The following C4orf51 variants were observed in gnomAD, a reference collection of about 807,000 sequenced individuals.
The protein encoded by C4orf51 is uncharacterized protein C4orf51.
In C4orf51, 25 loss-of-function variants were observed where a neutral mutation model predicts 25.2. That is an observed-to-expected ratio of 0.99 (90% confidence interval 0.72 to 1.39). The LOEUF (loss-of-function observed/expected upper bound fraction) is 1.39. Ranked by LOEUF, C4orf51 falls within the 40% of genes most tolerant of loss-of-function variation. The probability of loss-of-function intolerance (pLI) is 0.00; values close to 1 mark genes in which losing one functional copy is unlikely to be tolerated. For synonymous variants in C4orf51, 100 were observed against 84.5 expected, an observed-to-expected ratio of 1.18 and a Z score of -1.01; for missense variants, 252 against 239.6, an observed-to-expected ratio of 1.05 and a Z score of -0.34.
chr4:145,696,461 TA>T (rs1560827123), intron 1 of C4orf51, 97 bp from the exon 2 acceptor site: 4 of 1,031,794 alleles, frequency 3.9e-6, no homozygotes, highest in South Asian at 1.4e-5. Context: ...ATGAAAGTTT[TA>T]AAAAAAGATG....
chr4:145,768,791 G>A (rs1299045651), intron 1 of C4orf51, among the ~76,000 whole-genome samples: 4 of 137,436 alleles, frequency 2.9e-5, no homozygotes, highest in Non-Finnish European at 4.6e-5. Flanking sequence ...CCATGGAGGC[G>A]GAGTTTGTGG....
At position 145,729,998 on chromosome 4, in the gene C4orf51, G is replaced by C. The variant is rs202206619; in HGVS notation, c.501+33G>C. 38 of 1,585,066 alleles carry C rather than the reference G, an allele frequency of 2.4e-5. No individual in the cohort carries two copies. In the African/African-American group the frequency reaches 3.8e-4, roughly 16 times the overall value. On this transcript the variant is annotated intron_variant, in intron 5 of 5. Transcript: ENST00000438731. ...TCTTTTTACTTGCCATGCAACAGTG[G>C]ATCTGTGGGGTAGTCAGGAAGCGGG...
At chr4:145,682,089 A>G (rs755462615) in intron 1 of C4orf51, among the ~76,000 whole-genome samples, 1 of 152,188 alleles carries the variant, frequency 6.6e-6, no homozygotes, top group East Asian at 1.9e-4. Context: ...GTGAAAATGT[A>G]TAGGACCTGG....
downstream of C4orf51, among the ~76,000 whole-genome samples, chr4:145,773,462 C>T (rs140292184): frequency 6.1e-4 from 93 of 152,306 alleles, no homozygotes; most frequent in African/African-American, 2.0e-3. Context: ...TTCCCCTTCC[C>T]GAATCCTTCA....
Position 145,680,406 on chromosome 4 carries a change from G to T in C4orf51, c.203G>T (p.Arg68Ile). 1 of 1,613,864 alleles carries T rather than the reference G, an allele frequency of 6.2e-7. No individual in the cohort carries two copies. Among genetic ancestry groups the T allele is most frequent in the Non-Finnish European group, 8.5e-7 (1 of 1,179,818 alleles). Reference protein sequence around the residue: ...DKSMCSQFSFRAGQHEPECKQ... With the variant: ...DKSMCSQFSFIAGQHEPECKQ... ...TCCATGTGCAGCCAATTTTCTTTTA[G>T]AGCAGGACAGCATGAGCCTGAGTGT... Residue 68 changes from arginine to isoleucine, a missense_variant, in exon 1 of 6, where the codon AGA (arginine) becomes ATA (isoleucine). Coordinates refer to ENST00000438731, the MANE Select transcript of C4orf51 (RefSeq NM_001080531.3).
chr4:145,780,776 T>C, the C4orf51 span, among the ~76,000 whole-genome samples: 1 of 152,208 alleles, frequency 6.6e-6, no homozygotes, highest in Non-Finnish European at 1.5e-5. Flanking sequence ...ACACACTAAG[T>C]TAATATCTTG....
intron 1 of C4orf51, among the ~76,000 whole-genome samples, chr4:145,745,081 T>C (rs1733298115): frequency 6.6e-6 from 1 of 152,222 alleles, no homozygotes; most frequent in South Asian, 2.1e-4. Context: ...CTTTAAACAA[T>C]TATTTTAATG....
chr4:145,781,260 G>A, the C4orf51 span, among the ~76,000 whole-genome samples: 1 of 148,594 alleles, frequency 6.7e-6, no homozygotes, highest in African/African-American at 2.5e-5. Context: ...TCACAACATG[G>A]GTCAGAGATA....
rs145894576 is a variant in C4orf51 at position 145,752,239 on chromosome 4, C to A, written n.168-1968C>A. Among the ~76,000 whole-genome samples the A allele has an allele frequency of 4.2e-3, 636 of 152,260 alleles. 4 individuals are homozygous for A. The highest frequency in any genetic ancestry group is 0.014 in the African/African-American group (585 of 41,544). On this transcript the variant is annotated intron_variant and non_coding_transcript_variant, in intron 1 of 1. Transcript: ENST00000508981. ...AGAAGGAATCTCTCACAGTAGGCAC[C>A]ACAGCTCAGAATGTTCTGGGTCTTA...
At chr4:145,706,702 G>A (rs916598383) in intron 2 of C4orf51, among the ~76,000 whole-genome samples, 2 of 151,802 alleles carry the variant, frequency 1.3e-5, no homozygotes, top group South Asian at 2.1e-4. Flanking sequence ...GTGCAGTGGC[G>A]CAATCTTGGC....
downstream of C4orf51, among the ~76,000 whole-genome samples, chr4:145,757,337 A>G (rs569592828): frequency 6.6e-6 from 1 of 152,282 alleles, no homozygotes; most frequent in East Asian, 1.9e-4. Context: ...GGGCTGGCAA[A>G]CACTTTTAAA....
In C4orf51 at chr4:145,696,616, G is replaced by T; in HGVS notation, c.291G>T (p.Glu97Asp). 1 of 1,613,470 alleles carries T rather than the reference G, an allele frequency of 6.2e-7. No homozygotes were observed. Among genetic ancestry groups the T allele is most frequent in the South Asian group, 1.1e-5 (1 of 91,030 alleles). Residue 97 changes from glutamate (E) to aspartate (D), a missense_variant, in exon 2 of 6, where the codon GAG (glutamate) becomes GAT (aspartate). Coordinates refer to ENST00000438731, the MANE Select transcript of C4orf51 (RefSeq NM_001080531.3). The part of the protein sequence containing the change: ...CHLLCWAGTQ[E>D]TTDIKGLFPD... ...TTCTCTGCTGGGCTGGTACCCAAGA[G>T]ACTACAGATATCAAAGGTAAGTGCA... is the stretch of plus-strand genomic sequence containing the variant.
rs367840278 is a variant in C4orf51 at position 145,690,324 on chromosome 4, T to C, written c.234-6235T>C. ...ATCAAGACCATCCTGGCTAACATGGTGAAACCTCGTCTCTACTAAAAATAC... is the reference window on the plus strand; with the variant it reads ...ATCAAGACCATCCTGGCTAACATGGCGAAACCTCGTCTCTACTAAAAATAC... On this transcript the variant is annotated intron_variant, in intron 1 of 5. Transcript: ENST00000438731. Among the ~76,000 whole-genome samples the C allele has an allele frequency of 9.9e-5, 15 of 150,864 alleles. No individual in the cohort carries two copies. The East Asian group carries it at 1.8e-3, about 18-fold the overall frequency.
chr4:145,733,225 T>A (rs1732597727), downstream of C4orf51, among the ~76,000 whole-genome samples: 1 of 150,896 alleles, frequency 6.6e-6, no homozygotes, highest in Non-Finnish European at 1.5e-5. Context: ...AGCGGCCGTC[T>A]CCTTCTTCCT....
rs1170905291 is a variant in C4orf51, at chr4:145,763,033, T to C, written n.167-7955T>C. ...CAGAAGAGTGCACACGAGAGAAATA[T>C]AAAGCCCATTCCCAGGTCAGGTGCA... On this transcript the variant is annotated intron_variant and non_coding_transcript_variant, in intron 1 of 1. Transcript: ENST00000510096. The surrounding 1 kb of genome is among the most constrained non-coding windows in gnomAD (Gnocchi z 4.6). 2 of 1,473,454 alleles carry C rather than the reference T, an allele frequency of 1.4e-6. No homozygotes were observed. The highest frequency in any genetic ancestry group is 2.1e-5 in the Admixed American group (1 of 48,396). 91.3% of individuals were successfully genotyped at this position (1,473,454 alleles called of 1,614,324 possible). A position where few individuals can be genotyped will look rare whatever the true frequency, so the allele number is the denominator to read the frequency against.
At chr4:145,740,929 T>C (rs1389181790) in intron 1 of C4orf51, among the ~76,000 whole-genome samples, 1 of 152,214 alleles carries the variant, frequency 6.6e-6, no homozygotes, top group Non-Finnish European at 1.5e-5. Context: ...TTCTATCTGA[T>C]GAGGGTGATT....
chr4:145,744,240 T>C (rs192695446), intron 1 of C4orf51, among the ~76,000 whole-genome samples: 123 of 152,274 alleles, frequency 8.1e-4, no homozygotes, highest in Admixed American at 1.2e-3. Flanking sequence ...GGACTTGCTT[T>C]AGAATATGTT....
intron 5 of C4orf51, among the ~76,000 whole-genome samples, chr4:145,731,624 C>T (rs1732482537): frequency 8.8e-6 from 1 of 113,174 alleles, no homozygotes; most frequent in Admixed American, 1.3e-4. Flanking sequence ...TCTTGTTGCC[C>T]AGGCTGGAGT....
chr4:145,790,449 T>C, the C4orf51 span, among the ~76,000 whole-genome samples: 1 of 152,224 alleles, frequency 6.6e-6, no homozygotes, highest in African/African-American at 2.4e-5. Flanking sequence ...CTTTCTAAAA[T>C]ACTAAAATTT....
Sources: gnomAD v4.1 joint callset for allele counts (sites outside exome capture counted in the v4.1 genomes callset) on GRCh38, gnomAD v4.1.1 for gene constraint, Gnocchi (gnomAD v3.1) non-coding constraint, MANE v1.5 for transcripts, NCBI Gene and HGNC (gene_info 2026-07-23, HGNC 2026-07-21) for gene names.